The following FHIT variants were observed in gnomAD, a reference collection of about 807,000 sequenced individuals.
FHIT encodes bis(5'-adenosyl)-triphosphatase.
FHIT carries 19 observed loss-of-function variants against 17.9 expected under a neutral mutation model. That is an observed-to-expected ratio of 1.06 (90% CI 0.74 to 1.56). The LOEUF is 1.56. Among genes scored for constraint, FHIT ranks in the 40% most tolerant of loss-of-function variants. The pLI is 0.00. For synonymous variants in FHIT, 81 were observed against 69.7 expected, an observed-to-expected ratio of 1.16 and a Z score of -0.81; for missense variants, 248 against 189.2, an observed-to-expected ratio of 1.31 and a Z score of -1.82.
intron 5 of FHIT, among the ~76,000 whole-genome samples, chr3:60,334,310 A>T (rs1348626930): frequency 6.6e-6 from 1 of 152,144 alleles, no homozygotes; most frequent in African/African-American, 2.4e-5. Context: ...AGTTGGCACA[A>T]GGTTGTATTA....
intron 3 of FHIT, among the ~76,000 whole-genome samples, chr3:60,879,507 T>C (rs1216132875): frequency 2.6e-5 from 4 of 151,988 alleles, no homozygotes; most frequent in Non-Finnish European, 5.9e-5. Flanking sequence ...ACAAGAAATA[T>C]GAAAAAGCAA....
chr3:60,795,759 G>T (rs1250992635), intron 4 of FHIT, among the ~76,000 whole-genome samples: 1 of 152,092 alleles, frequency 6.6e-6, no homozygotes, highest in Non-Finnish European at 1.5e-5. Context: ...AAGCCATCCA[G>T]CTGCCTCGGC....
intron 5 of FHIT, among the ~76,000 whole-genome samples, chr3:60,320,195 CA>C (rs1709357921): frequency 6.6e-6 from 1 of 152,144 alleles, no homozygotes; most frequent in Non-Finnish European, 1.5e-5. Flanking sequence ...AAAACAATTA[CA>C]ACGTTAAGCT....
intron 8 of FHIT, among the ~76,000 whole-genome samples, chr3:59,794,151 G>C (rs2106942608): frequency 6.6e-6 from 1 of 152,242 alleles, no homozygotes; most frequent in African/African-American, 2.4e-5. Context: ...GGTTTTTAGA[G>C]AAATATCACA....
chr3:60,209,112 C>A (rs1009128693), intron 5 of FHIT, among the ~76,000 whole-genome samples: 27 of 152,128 alleles, frequency 1.8e-4, no homozygotes, highest in African/African-American at 6.3e-4. Context: ...ACCTAAAAAA[C>A]AAATGCCAAA....
intron 3 of FHIT, among the ~76,000 whole-genome samples, chr3:60,827,020 T>TA (rs112749600): frequency 0.05 from 7,463 of 149,038 alleles, 225 homozygotes; most frequent in South Asian, 0.11. Context: ...AAACTTTGCT[T>TA]AAAAAAAAAA....
chr3:60,531,986 A>G (rs2035804074), intron 5 of FHIT, among the ~76,000 whole-genome samples: 1 of 152,212 alleles, frequency 6.6e-6, no homozygotes, highest in Non-Finnish European at 1.5e-5. Context: ...AAAGTTACCT[A>G]GTCTAATTCT....
At chr3:59,970,938 C>T (rs1412639526) in intron 7 of FHIT, among the ~76,000 whole-genome samples, 1 of 151,682 alleles carries the variant, frequency 6.6e-6, no homozygotes, top group African/African-American at 2.4e-5. Context: ...AAAATTCCTC[C>T]TCTTTGTGAG....
rs530833824 is a variant in FHIT, at chr3:60,584,425, G to GGTGGCA, written c.-17-47452_-17-47447dup. ...TACAACCCTTGTGAGCTGCGGTGGC[G>GGTGGCA]GTGGCAGTAACTGTGGGTTCAGGGA... On this transcript the variant is annotated intron_variant, in intron 4 of 9. Transcript: ENST00000492590. 1.4e-3 allele frequency among the ~76,000 whole-genome samples: 210 copies of GGTGGCA among 151,972 alleles called. 2 individuals carry two copies. Among genetic ancestry groups the GGTGGCA allele is most frequent in the Middle Eastern group, 6.8e-3 (2 of 294 alleles).
Position 60,105,210 on chromosome 3 carries a change from A to G in FHIT, c.104-91058T>C, listed in dbSNP as rs576707709. On this transcript the variant is annotated intron_variant, in intron 5 of 9. Coordinates refer to ENST00000492590, the MANE Select transcript of FHIT (RefSeq NM_002012.4). ...AAGGACTTTGTTTCTTTCAAGTACC[A>G]GGCACTCACTGGTTCTGAGTATAGG... Among the ~76,000 whole-genome samples, 5 of 152,290 alleles carry G rather than the reference A, an allele frequency of 3.3e-5. No homozygotes were observed. In the East Asian group the frequency reaches 5.8e-4, roughly 18 times the overall value.
rs917930863 is a variant in FHIT at position 61,089,987 on chromosome 3, A to G, written c.-163-47888T>C. ...CTGAATCAGTGGTTCCTAAAAGCCA[A>G]TCAACAAGCGCATGCCAATACATGA... On this transcript the variant is annotated intron_variant, in intron 2 of 9. Transcript: ENST00000492590. 2.0e-5 allele frequency among the ~76,000 whole-genome samples: 3 copies of G among 152,368 alleles called. No homozygotes were observed. The South Asian group carries it at 6.2e-4, about 32-fold the overall frequency.
At chr3:60,694,395 A>G (rs144807576) in intron 4 of FHIT, among the ~76,000 whole-genome samples, 16 of 152,358 alleles carry the variant, frequency 1.1e-4, no homozygotes, top group African/African-American at 3.6e-4. Flanking sequence ...AATGGCGATC[A>G]TTAAAAAGTC....
intron 5 of FHIT, among the ~76,000 whole-genome samples, chr3:60,062,663 T>A (rs576585201): frequency 6.6e-6 from 1 of 152,250 alleles, no homozygotes; most frequent in African/African-American, 2.4e-5. Context: ...GCCAGCTAAT[T>A]AAAACAGAAA....
intron 8 of FHIT, chr3:59,886,215 C>T (rs573675796): frequency 6.6e-6 from 1 of 152,364 alleles, no homozygotes; most frequent in African/African-American, 2.4e-5. Flanking sequence ...AGTGTTCATT[C>T]TTACCTCTCC....
intron 2 of FHIT, among the ~76,000 whole-genome samples, chr3:61,094,600 T>C (rs565330606): frequency 4.9e-4 from 75 of 152,324 alleles, no homozygotes; most frequent in Admixed American, 3.1e-3. Context: ...AAAAGTTTAA[T>C]TTATAAATTA....
At chr3:59,930,843 A>G (rs923373176) in intron 7 of FHIT, among the ~76,000 whole-genome samples, 3 of 152,068 alleles carry the variant, frequency 2.0e-5, no homozygotes, top group African/African-American at 7.2e-5. Context: ...GAACCCCGAA[A>G]CCCTGACTTG....
At chr3:60,605,739 G>A (rs2038587921) in intron 4 of FHIT, among the ~76,000 whole-genome samples, 1 of 152,184 alleles carries the variant, frequency 6.6e-6, no homozygotes. Context: ...GACAGGAGGT[G>A]CTGTGGGAAC....
chr3:60,542,539 ATG>A (rs1179182737), intron 4 of FHIT, among the ~76,000 whole-genome samples: 2 of 152,066 alleles, frequency 1.3e-5, no homozygotes, highest in East Asian at 1.9e-4. Flanking sequence ...TAATAGTGTG[ATG>A]TGTGTGTATA....
intron 3 of FHIT, among the ~76,000 whole-genome samples, chr3:60,887,160 G>A (rs1705263063): frequency 6.6e-6 from 1 of 151,786 alleles, no homozygotes; most frequent in Admixed American, 6.6e-5. Context: ...TCTCTTAGAT[G>A]GCCTTGGCCA....
Sources: gnomAD v4.1 joint callset for allele counts (sites outside exome capture counted in the v4.1 genomes callset) on GRCh38, gnomAD v4.1.1 for gene constraint, MANE v1.5 for transcripts, NCBI Gene and HGNC (gene_info 2026-07-23, HGNC 2026-07-21) for gene names.